Variants in POLK observed in about 807,000 individuals in gnomAD.
POLK encodes DNA polymerase kappa, also known as polymerase (DNA directed) kappa.
Under a neutral mutation model 94.0 loss-of-function variants are expected in POLK, and 76 were observed. The observed-to-expected ratio is 0.81, with a 90% CI of 0.67 to 0.98. POLK has a LOEUF of 0.98. POLK is among the 50% of genes least tolerant of loss of function. POLK has a pLI of 0.00. For missense variants in POLK, 954 were observed against 1,010.1 expected (o/e 0.94, Z 0.75); for synonymous variants, 349 against 325.4 (o/e 1.07, Z -0.78).
intron 1 of POLK, among the ~76,000 whole-genome samples, chr5:75,527,926 A>G (rs1768952865): frequency 6.6e-6 from 1 of 152,176 alleles, no homozygotes; most frequent in African/African-American, 2.4e-5. Context: ...GAGCTGTTAT[A>G]TGAAATATCG....
At chr5:75,586,887 A>T (rs1034573433) in intron 9 of POLK, 139 bp from the exon 10 acceptor site, 2 of 600,202 alleles carry the variant, frequency 3.3e-6, no homozygotes, top group African/African-American at 3.8e-5. Context: ...TTTTTAGATA[A>T]AAAACTGTTT....
At chr5:75,556,196 T>A (rs1297887338) in intron 3 of POLK, among the ~76,000 whole-genome samples, 1 of 152,202 alleles carries the variant, frequency 6.6e-6, no homozygotes, top group African/African-American at 2.4e-5. Context: ...TATTGTGAAT[T>A]TTGGCTATTC....
At chr5:75,543,133 C>T (rs188051790) in intron 1 of POLK, among the ~76,000 whole-genome samples, 1 of 151,606 alleles carries the variant, frequency 6.6e-6, no homozygotes, top group East Asian at 1.9e-4. Flanking sequence ...GCCTCTGCCT[C>T]CCAGGTTCAA....
At chr5:75,596,185 G>A in intron 12 of POLK, 37 bp from the exon 13 acceptor site, 1 of 1,214,222 alleles carries the variant, frequency 8.2e-7, no homozygotes, top group South Asian at 1.4e-5. Flanking sequence ...AATTGGCTTT[G>A]TTCAATTTGA....
intron 3 of POLK, among the ~76,000 whole-genome samples, chr5:75,559,598 A>G (rs1477225746): frequency 7.8e-6 from 1 of 128,058 alleles, no homozygotes; most frequent in Non-Finnish European, 1.5e-5. Flanking sequence ...CAGTGGTGGT[A>G]CCATCATGGC....
Position 75,597,179 on chromosome 5 carries a change from G to C in POLK, c.2485+1G>C, listed in dbSNP as rs1361077535. Reference sequence around the variant, plus strand: ...CCCAAAGAAAGCTCCAGAAGTACTGGTAAGTGTGTAATTGTTTTAAACTGC... The same window carrying C: ...CCCAAAGAAAGCTCCAGAAGTACTGCTAAGTGTGTAATTGTTTTAAACTGC... On this transcript the variant is annotated splice_donor_variant, in intron 13 of 14. Coordinates refer to ENST00000241436, the Ensembl canonical transcript of POLK. LOFTEE classifies it high-confidence loss of function. 2 of 1,395,046 alleles carry C rather than the reference G, an allele frequency of 1.4e-6. No individual in the cohort carries two copies. The highest frequency in any genetic ancestry group is 1.7e-5 in the Admixed American group (1 of 57,308). 86.4% of individuals were successfully genotyped at this position (1,395,046 alleles called of 1,614,324 possible).
chr5:75,511,258 CGGA>C (rs1767973721), upstream of POLK: 9 of 1,599,490 alleles, frequency 5.6e-6, no homozygotes, highest in African/African-American at 1.3e-5. Flanking sequence ...TCAGCTGCGC[CGGA>C]GGAGGCGCCC....
intron 2 of POLK, among the ~76,000 whole-genome samples, chr5:75,550,416 T>TA (rs940412462): frequency 3.3e-5 from 5 of 151,884 alleles, no homozygotes; most frequent in African/African-American, 1.2e-4. Flanking sequence ...CCGTCTCTAC[T>TA]AAAAATACAA....
At chr5:75,535,487 T>C (rs1388480670) in intron 1 of POLK, among the ~76,000 whole-genome samples, 1 of 152,212 alleles carries the variant, frequency 6.6e-6, no homozygotes, top group Non-Finnish European at 1.5e-5. Flanking sequence ...AATTTGAATG[T>C]TGGCCTCTCT....
chr5:75,529,880 T>C (rs182766628), intron 1 of POLK, among the ~76,000 whole-genome samples: 17 of 152,296 alleles, frequency 1.1e-4, no homozygotes, highest in African/African-American at 3.8e-4. Context: ...AATTGTACCC[T>C]TCATATCCAG....
chr5:75,554,223 A>G (rs1051823143), intron 3 of POLK, among the ~76,000 whole-genome samples: 4 of 152,134 alleles, frequency 2.6e-5, no homozygotes, highest in Admixed American at 6.5e-5. Flanking sequence ...ATCCATTACC[A>G]TGGAAGGAAG....
At chr5:75,569,280 G>C (rs1170163128) in intron 3 of POLK, 60 bp from the exon 4 acceptor site, 2 of 1,127,042 alleles carry the variant, frequency 1.8e-6, no homozygotes, top group Non-Finnish European at 2.6e-6. Context: ...TAATGTTGTG[G>C]TTAATGGTGT....
At chr5:75,524,497 T>C (rs1768737887) in intron 1 of POLK, among the ~76,000 whole-genome samples, 1 of 152,200 alleles carries the variant, frequency 6.6e-6, no homozygotes, top group Non-Finnish European at 1.5e-5. Context: ...GCAAAAGTTA[T>C]TTTAGTACTT....
intron 6 of POLK, among the ~76,000 whole-genome samples, chr5:75,579,971 TAAA>T (rs760963756): frequency 7.2e-5 from 9 of 125,422 alleles, no homozygotes; most frequent in Admixed American, 1.6e-4. Flanking sequence ...GACCCTGTCT[TAAA>T]AAAAAAAAAA....
At position 75,553,179 on chromosome 5, in the gene POLK, T is replaced by A. The variant is rs540994126; in HGVS notation, c.255+588T>A. Among the ~76,000 whole-genome samples, 17 of 152,272 alleles carry A rather than the reference T, an allele frequency of 1.1e-4. 1 individual carries two copies. The South Asian group carries it at 3.5e-3, about 32-fold the overall frequency. On this transcript the variant is annotated intron_variant, in intron 3 of 14. Coordinates refer to ENST00000241436, the Ensembl canonical transcript of POLK. ...TCTTTGGGAAGTAAATACTCCAAGT[T>A]TCCTCTTCTATTAAAAGTTATTTCA...
intron 8 of POLK, among the ~76,000 whole-genome samples, chr5:75,584,500 C>A (rs1561399330): frequency 6.6e-6 from 1 of 152,044 alleles, no homozygotes; most frequent in Non-Finnish European, 1.5e-5. Context: ...GAAACCCCAT[C>A]TCTACTAAAA....
chr5:75,516,519 G>A (rs1280995864), intron 1 of POLK, among the ~76,000 whole-genome samples: 1 of 152,138 alleles, frequency 6.6e-6, no homozygotes, highest in African/African-American at 2.4e-5. Context: ...AATAAAATTA[G>A]CTGGATGTGG....
chr5:75,529,755 G>A (rs773321670), intron 1 of POLK, among the ~76,000 whole-genome samples: 50 of 151,952 alleles, frequency 3.3e-4, no homozygotes, highest in Non-Finnish European at 6.6e-4. Context: ...ATATCAAAAT[G>A]TATACTGGAG....
At chr5:75,521,398 T>C (rs1341873526) in intron 1 of POLK, among the ~76,000 whole-genome samples, 1 of 152,198 alleles carries the variant, frequency 6.6e-6, no homozygotes, top group Non-Finnish European at 1.5e-5. Flanking sequence ...ATGAATTTTT[T>C]AGTTCAGCAA....
Sources: allele counts gnomAD v4.1 joint callset (sites outside exome capture counted in the v4.1 genomes callset), GRCh38; gene constraint gnomAD v4.1.1; transcripts MANE v1.5; gene names NCBI Gene and HGNC (gene_info 2026-07-23, HGNC 2026-07-21).